ZNF454: variants seen among roughly 807,000 people sequenced by gnomAD.
The protein encoded by ZNF454 is zinc finger protein 454.
A neutral mutation model predicts 48.2 loss-of-function variants in ZNF454; 30 were observed. The ratio of observed to expected loss-of-function variants is 0.62; its 90% CI spans 0.47 to 0.84. The LOEUF (loss-of-function observed/expected upper bound fraction) is 0.84. Ranked by LOEUF, ZNF454 falls within the 40% of genes least tolerant of loss-of-function variation. ZNF454 has a pLI of 0.00. For synonymous variants in ZNF454, 204 were observed against 211.4 expected (o/e 0.97, Z 0.30); for missense variants, 510 against 623.1 (o/e 0.82, Z 1.93).
In ZNF454 at chr5:178,953,994, CA is replaced by C. The variant is rs570974782; in HGVS notation, c.250+7009del. Among the ~76,000 whole-genome samples the C allele has an allele frequency of 1.8e-3, 275 of 152,266 alleles. 1 individual carries two copies. The highest frequency in any genetic ancestry group is 6.0e-3 in the African/African-American group (250 of 41,558). On this transcript the variant is annotated intron_variant, in intron 4 of 4. Coordinates refer to ENST00000519564, the MANE Select transcript of ZNF454 (RefSeq NM_001178089.3). Reference sequence around the variant, plus strand: ...TCCTGCCCAACCAGGCATGTTGGCTCACACCTGTAATCCCAGCACTTTGGGA... The same window carrying C: ...TCCTGCCCAACCAGGCATGTTGGCTCCACCTGTAATCCCAGCACTTTGGGA...
chr5:178,952,422 C>G (rs1011874035), intron 4 of ZNF454, among the ~76,000 whole-genome samples: 9 of 152,174 alleles, frequency 5.9e-5, no homozygotes, highest in Non-Finnish European at 1.3e-4. Context: ...ATGACAGTTT[C>G]TTTTTGTATT....
chr5:178,950,899 G>C (rs543161555), intron 4 of ZNF454, among the ~76,000 whole-genome samples: 1 of 142,680 alleles, frequency 7.0e-6, no homozygotes, highest in South Asian at 2.2e-4. Context: ...CGCTCTTGTT[G>C]TCCAGGCTGG....
rs533956987 is a variant in ZNF454, at chr5:178,949,393, A to T, written c.250+2407A>T. Among the ~76,000 whole-genome samples, 8 of 151,554 alleles carry T rather than the reference A, an allele frequency of 5.3e-5. No homozygotes were observed. In the South Asian group the frequency reaches 1.7e-3, roughly 32 times the overall value. On this transcript the variant is annotated intron_variant, in intron 4 of 4. Transcript: ENST00000519564. ...TGCCCAGGCTGATCTCAAACTCTGG[A>T]CTTCAATCCTCCTACCTCAGCCTCC...
Position 178,946,512 on chromosome 5 carries a change from C to T in ZNF454, c.160+27C>T, listed in dbSNP as rs771058934. On this transcript the variant is annotated intron_variant, in intron 3 of 4. Transcript: ENST00000519564. This position sits in a 1 kb window ranked among gnomAD's most constrained non-coding sequence, Gnocchi z 4.5. ...TAAGTGGGACCCCTGCAAGGTTTCT[C>T]TTCACTTTTGGGGATCTCTTTGGGA... 7.6e-6 allele frequency: 12 copies of T among 1,574,930 alleles called. No individual in the cohort carries two copies. The highest frequency in any genetic ancestry group is 1.0e-5 in the Non-Finnish European group (12 of 1,165,562).
At chr5:178,963,794 T>G (rs183573871) in intron 4 of ZNF454, among the ~76,000 whole-genome samples, 42 of 151,926 alleles carry the variant, frequency 2.8e-4, no homozygotes, top group Admixed American at 5.3e-4. Context: ...TTAGTAGATA[T>G]GAGCATTTCA....
At chr5:178,984,909 C>T in the ZNF454 span, among the ~76,000 whole-genome samples, 1 of 152,154 alleles carries the variant, frequency 6.6e-6, no homozygotes, top group Admixed American at 6.5e-5. Flanking sequence ...TGCAGTGTCA[C>T]ACCAGGTCAC....
downstream of ZNF454, among the ~76,000 whole-genome samples, chr5:178,966,914 A>C (rs544704870): frequency 1.3e-5 from 2 of 152,204 alleles, no homozygotes; most frequent in Non-Finnish European, 2.9e-5. Flanking sequence ...CTTCTGACTT[A>C]GCAACGCCTA....
rs1055347636 is a variant in ZNF454, at chr5:178,941,692, C to T, written c.-108+248C>T. 6.6e-6 allele frequency among the ~76,000 whole-genome samples: 1 copy of T among 152,188 alleles called. No homozygotes were observed. The highest frequency in any genetic ancestry group is 2.4e-5 in the African/African-American group (1 of 41,462). ...GCTGCGCAGCCCCTGCCACAGCCCC[C>T]GAGGGACCTGGCGAAGCGGCAGGGG... On this transcript the variant is annotated intron_variant, in intron 1 of 4. Transcript: ENST00000519564. This position sits in a 1 kb window ranked among gnomAD's most constrained non-coding sequence, Gnocchi z 5.5.
intron 4 of ZNF454, among the ~76,000 whole-genome samples, chr5:178,947,458 C>T (rs751437935): frequency 3.3e-5 from 5 of 152,182 alleles, no homozygotes; most frequent in African/African-American, 7.2e-5. Context: ...TGTTTGTCCA[C>T]GTGGGTTATT....
the ZNF454 span, chr5:178,989,217 A>AACCC: frequency 1.0e-6 from 1 of 954,814 alleles, no homozygotes; most frequent in Non-Finnish European, 1.5e-6. Flanking sequence ...CCCCACCCTC[A>AACCC]CCACCCTCCC....
At chr5:178,972,947 C>T in the ZNF454 span, among the ~76,000 whole-genome samples, 1 of 151,970 alleles carries the variant, frequency 6.6e-6, no homozygotes, top group African/African-American at 2.4e-5. Context: ...TCCACGTTTT[C>T]CTGCCATAGA....
chr5:178,986,116 G>C, the ZNF454 span: 1 of 1,610,862 alleles, frequency 6.2e-7, no homozygotes, highest in South Asian at 1.1e-5. Context: ...GCCCTTGGGA[G>C]CCTACGGACC....
chr5:178,953,586 A>G (rs941489185), intron 4 of ZNF454, among the ~76,000 whole-genome samples: 1 of 152,014 alleles, frequency 6.6e-6, no homozygotes, highest in African/African-American at 2.4e-5. Flanking sequence ...TTGGTGGCAT[A>G]CATCTCCTTG....
chr5:178,948,707 G>A (rs1298211306), intron 4 of ZNF454, among the ~76,000 whole-genome samples: 5 of 152,056 alleles, frequency 3.3e-5, no homozygotes, highest in East Asian at 1.9e-4. Context: ...CCAGTCAGAC[G>A]TCAGAGAAGA....
intron 4 of ZNF454, among the ~76,000 whole-genome samples, chr5:178,952,149 T>A (rs1181411922): frequency 6.6e-6 from 1 of 151,878 alleles, no homozygotes; most frequent in Non-Finnish European, 1.5e-5. Flanking sequence ...GCCATTCTCC[T>A]GCCTCAGCCT....
At chr5:178,981,703 G>C in the ZNF454 span, 11 of 1,613,844 alleles carry the variant, frequency 6.8e-6, no homozygotes, top group Non-Finnish European at 8.5e-6. This position sits in a 1 kb window ranked among gnomAD's most constrained non-coding sequence, Gnocchi z 5.1. Flanking sequence ...GGCTGCCACC[G>C]TGGAGGTGGC....
At chr5:178,969,596 C>T (rs573253059), downstream of ZNF454, 73 of 456,910 alleles carry the variant, frequency 1.6e-4, no homozygotes, top group South Asian at 1.1e-3. Flanking sequence ...CCAGCCTGCG[C>T]CTGCTTCATG....
chr5:178,981,935 T>C, the ZNF454 span: 1 of 904,130 alleles, frequency 1.1e-6, no homozygotes, highest in Non-Finnish European at 1.9e-6. The surrounding 1 kb of genome is among the most constrained non-coding windows in gnomAD (Gnocchi z 5.1). Context: ...CCACATACTC[T>C]GGAGCTGAGT....
At chr5:178,947,429 C>G (rs1476596350) in intron 4 of ZNF454, among the ~76,000 whole-genome samples, 1 of 152,190 alleles carries the variant, frequency 6.6e-6, no homozygotes, top group Non-Finnish European at 1.5e-5. Flanking sequence ...TTGCACTTGT[C>G]TTCAACTACC....
Sources: allele counts gnomAD v4.1 joint callset (sites outside exome capture counted in the v4.1 genomes callset), GRCh38; gene constraint gnomAD v4.1.1; non-coding constraint Gnocchi (gnomAD v3.1); transcripts MANE v1.5; gene names NCBI Gene and HGNC (gene_info 2026-07-23, HGNC 2026-07-21).